Variants in RGPD3 observed in about 807,000 individuals in gnomAD.
RGPD3 encodes ranBP2-like and GRIP domain-containing protein 3.
Under a neutral mutation model 154.5 loss-of-function variants are expected in RGPD3, and 62 were observed. The observed-to-expected ratio is 0.40, with a 90% CI of 0.33 to 0.50. The LOEUF is 0.50. Among genes scored for constraint, RGPD3 ranks in the 20% least tolerant of loss-of-function variants. RGPD3 has a pLI of 0.59. For missense variants in RGPD3, 919 were observed against 1,716.8 expected (o/e 0.54, Z 8.21); for synonymous variants, 308 against 607.0 (o/e 0.51, Z 7.24).
intron 22 of RGPD3, among the ~76,000 whole-genome samples, chr2:106,406,962 A>G (rs1676536008): frequency 1.3e-5 from 2 of 152,010 alleles, no homozygotes; most frequent in South Asian, 4.2e-4. Context: ...GTAACAAATT[A>G]CTACAAACTT....
intron 20 of RGPD3, among the ~76,000 whole-genome samples, chr2:106,421,333 C>T (rs1676980366): frequency 6.6e-6 from 1 of 152,018 alleles, no homozygotes. Context: ...CTCACAGAAA[C>T]TGTACGCAAG....
At chr2:106,463,796 A>AG (rs1678476402) in intron 1 of RGPD3, among the ~76,000 whole-genome samples, 1 of 152,148 alleles carries the variant, frequency 6.6e-6, no homozygotes, top group South Asian at 2.1e-4. Context: ...ACCACATTTG[A>AG]GGGTTTAAGT....
intron 7 of RGPD3, 96 bp from the exon 8 acceptor site, chr2:106,441,476 G>A (rs1677739852): frequency 3.6e-6 from 3 of 828,650 alleles, no homozygotes; most frequent in Non-Finnish European, 5.6e-6. Context: ...TTTTGATAAT[G>A]AATGAACAGT....
intron 1 of RGPD3, among the ~76,000 whole-genome samples, chr2:106,466,990 T>A: frequency 9.4e-6 from 1 of 106,752 alleles, no homozygotes; most frequent in Admixed American, 1.0e-4. Context: ...AGGTCGAGGC[T>A]GCCGCCGCCT....
chr2:106,409,871 C>CTG (rs1676617321), intron 22 of RGPD3, among the ~76,000 whole-genome samples: 1 of 94,452 alleles, frequency 1.1e-5, no homozygotes, highest in South Asian at 3.8e-4. Context: ...TTGTAGTTTA[C>CTG]TTTTTTTTTT....
chr2:106,448,118 T>C (rs1677990213), intron 6 of RGPD3, among the ~76,000 whole-genome samples: 1 of 149,922 alleles, frequency 6.7e-6, no homozygotes, highest in Non-Finnish European at 1.5e-5. Context: ...CTTTTTTTTT[T>C]TTTTTTTGAG....
chr2:106,440,946 C>T (rs1677722379), intron 8 of RGPD3, among the ~76,000 whole-genome samples: 1 of 119,592 alleles, frequency 8.4e-6, no homozygotes, highest in Non-Finnish European at 1.7e-5. Flanking sequence ...TTTATATCCC[C>T]ACAGCAGTGT....
In RGPD3 at chr2:106,424,287, C is replaced by T. The variant is rs768475707; in HGVS notation, c.3680G>A (p.Gly1227Asp). Residue 1227 changes from glycine (G) to aspartate (D), a missense_variant, in exon 20 of 23, where the codon GGT becomes GAT. Gly to Asp is a moderately conservative substitution (Grantham distance 94). Transcript: ENST00000409886. ...AEEENKGSGT[G>D]AAGASDTTIK... ...TGTTGTGTCTGAGGCACCGGCCGCA[C>T]CTGTACCTGAACCCTTATTTTCTTC... 1 of 1,611,864 alleles carries T rather than the reference C, an allele frequency of 6.2e-7. No individual in the cohort carries two copies. The highest frequency in any genetic ancestry group is 1.3e-5 in the African/African-American group (1 of 74,842).
At chr2:106,437,435 C>T (rs1677592859) in intron 9 of RGPD3, among the ~76,000 whole-genome samples, 1 of 151,306 alleles carries the variant, frequency 6.6e-6, no homozygotes, top group African/African-American at 2.4e-5. Context: ...TTGCTTGAAC[C>T]TGGCAGGCGG....
chr2:106,411,701 T>C (rs71261152), intron 22 of RGPD3, among the ~76,000 whole-genome samples: 309 of 151,748 alleles, frequency 2.0e-3, no homozygotes, highest in Middle Eastern at 0.01. Context: ...ATCTGTAGTC[T>C]CAGCTACTTG....
At chr2:106,466,881 C>T (rs1678620852) in intron 1 of RGPD3, among the ~76,000 whole-genome samples, 2 of 89,540 alleles carry the variant, frequency 2.2e-5, no homozygotes, top group African/African-American at 7.7e-5. Flanking sequence ...TCGAGGCCGC[C>T]GCCGGGCCGG....
At chr2:106,420,702 A>C (rs1467457963) in intron 20 of RGPD3, among the ~76,000 whole-genome samples, 2 of 152,292 alleles carry the variant, frequency 1.3e-5, no homozygotes, top group Admixed American at 6.5e-5. Context: ...TCTATCGATA[A>C]AGTTACTTTC....
At chr2:106,426,488 T>C (rs1677199233) in intron 18 of RGPD3, among the ~76,000 whole-genome samples, 1 of 152,112 alleles carries the variant, frequency 6.6e-6, no homozygotes, top group Admixed American at 6.5e-5. Flanking sequence ...GCCTAGAAAA[T>C]CTGCAGAAAG....
chr2:106,422,610 G>A, intron 20 of RGPD3, among the ~76,000 whole-genome samples: 1 of 151,084 alleles, frequency 6.6e-6, no homozygotes, highest in East Asian at 2.0e-4. Flanking sequence ...TCGAACTCCT[G>A]AGCTCAAGTG....
At chr2:106,430,466 T>C (rs1234122820) in intron 17 of RGPD3, among the ~76,000 whole-genome samples, 3 of 146,484 alleles carry the variant, frequency 2.0e-5, no homozygotes, top group African/African-American at 7.5e-5. Flanking sequence ...TCCCCAACTT[T>C]CACAGTCCTC....
intron 21 of RGPD3, among the ~76,000 whole-genome samples, chr2:106,414,151 A>G (rs934242270): frequency 5.9e-5 from 9 of 151,964 alleles, no homozygotes; most frequent in African/African-American, 1.7e-4. Context: ...AAAAAAGGTA[A>G]TATCATGTTC....
In RGPD3 at chr2:106,413,122, C is replaced by A. The variant is rs766947483; in HGVS notation, c.5228G>T (p.Ser1743Ile). ...AGCAAGTTTTCCCTTTTCTTCAAGGCTGAGCTGCAACATCGTATTTATAAC... is the reference window on the plus strand; with the variant it reads ...AGCAAGTTTTCCCTTTTCTTCAAGGATGAGCTGCAACATCGTATTTATAAC... ...LPVINTMLQL[S>I]LEEKGKLAAV... is the part of the protein sequence containing the mutation. The change falls in exon 22 of 23, where the codon AGC becomes ATC. Residue 1743 changes from serine to isoleucine, a missense_variant. By Grantham distance (142) the Ser-to-Ile change is moderately radical. Transcript: ENST00000409886. 1.9e-6 allele frequency: 3 copies of A among 1,611,074 alleles called. No individual in the cohort carries two copies. The highest frequency in any genetic ancestry group is 4.5e-5 in the East Asian group (2 of 44,796).
upstream of RGPD3, chr2:106,468,441 G>A (rs1199452244): frequency 6.9e-7 from 1 of 1,444,688 alleles, no homozygotes; most frequent in African/African-American, 1.4e-5. Flanking sequence ...CGTCAACAGT[G>A]TGTGGAACGT....
intron 1 of RGPD3, among the ~76,000 whole-genome samples, chr2:106,464,304 G>A (rs1438760214): frequency 4.1e-5 from 6 of 144,920 alleles, no homozygotes; most frequent in Non-Finnish European, 7.4e-5. Context: ...TCGCGCCACT[G>A]CACTCCAGCC....
Sources: gnomAD v4.1 joint callset for allele counts (sites outside exome capture counted in the v4.1 genomes callset) on GRCh38, gnomAD v4.1.1 for gene constraint, MANE v1.5 for transcripts, NCBI Gene and HGNC (gene_info 2026-07-23, HGNC 2026-07-21) for gene names.